The following TTC19 variants were observed in gnomAD, a reference collection of about 807,000 sequenced individuals.
TTC19 encodes tetratricopeptide repeat domain 19, also known as tetratricopeptide repeat protein 19, mitochondrial.
A neutral mutation model predicts 49.5 loss-of-function variants in TTC19; 38 were observed. The ratio of observed to expected loss-of-function variants is 0.77; its 90% confidence interval spans 0.59 to 1.01. TTC19 has a LOEUF of 1.01. Among genes scored for constraint, TTC19 ranks in the 50% least tolerant of loss-of-function variants. The pLI is 0.00. For synonymous variants in TTC19, 204 were observed against 185.2 expected, an observed-to-expected ratio of 1.10 and a Z score of -0.83; for missense variants, 475 against 477.7, an observed-to-expected ratio of 0.99 and a Z score of 0.05.
intron 2 of TTC19, chr17:16,040,164 A>G (rs892416098): frequency 1.8e-5 from 10 of 557,450 alleles, no homozygotes; most frequent in Non-Finnish European, 3.0e-5. Flanking sequence ...CCACACTTCT[A>G]TTAAAGTTAC....
intron 3 of TTC19, among the ~76,000 whole-genome samples, chr17:16,002,324 T>C (rs1242167958): frequency 6.6e-6 from 1 of 152,134 alleles, no homozygotes; most frequent in Non-Finnish European, 1.5e-5. Flanking sequence ...ATTACAGGCA[T>C]GCATCACTAT....
intron 2 of TTC19, among the ~76,000 whole-genome samples, chr17:16,041,912 A>G (rs529500411): frequency 1.5e-3 from 225 of 151,786 alleles, no homozygotes; most frequent in Non-Finnish European, 2.3e-3. Flanking sequence ...AATTTTTTAC[A>G]TTTTTAGTAG....
At chr17:16,035,987 T>C (rs2056276535) in intron 2 of TTC19, among the ~76,000 whole-genome samples, 1 of 152,246 alleles carries the variant, frequency 6.6e-6, no homozygotes, top group Non-Finnish European at 1.5e-5. Context: ...ATTACAAATG[T>C]CGTTAATAGC....
chr17:16,041,116 C>T (rs2057479526), intron 2 of TTC19: 1 of 152,286 alleles, frequency 6.6e-6, no homozygotes. Context: ...CTGTGTTTCC[C>T]TGCATGGCTA....
intron 7 of TTC19, among the ~76,000 whole-genome samples, chr17:16,007,206 G>T (rs1020505279): frequency 1.3e-5 from 2 of 152,078 alleles, no homozygotes; most frequent in Admixed American, 6.5e-5. Context: ...GTAGTCCCCC[G>T]TTATCCATGG....
chr17:16,039,523 G>T (rs761454179), intron 2 of TTC19: 6 of 1,613,962 alleles, frequency 3.7e-6, no homozygotes, highest in African/African-American at 1.3e-5. Context: ...ACTCCCATAG[G>T]CTGGGACATG....
intron 2 of TTC19, among the ~76,000 whole-genome samples, chr17:16,035,397 G>A (rs1974152187): frequency 6.6e-6 from 1 of 152,080 alleles, no homozygotes; most frequent in South Asian, 2.1e-4. Context: ...AGCATCTTCA[G>A]GGGCAGATTC....
Position 16,025,120 on chromosome 17 carries a change from T to C in TTC19, c.780T>C (p.Tyr260=), listed in dbSNP as rs1457412289. The change falls in exon 8 of 10, where the codon TAT becomes TAC. Residue 260 remains tyrosine, a synonymous_variant. Coordinates refer to ENST00000261647, the MANE Select transcript of TTC19 (RefSeq NM_017775.4). ...AGCCGTCACAGGCACAAAGGATGTA[T>C]GAAAAAGCTCTGCAGATTTCTGAAG... The part of the protein sequence containing the change: ...SKQPSQAQRM[Y]EKALQISEEI... 1 of 1,613,958 alleles carries C rather than the reference T, an allele frequency of 6.2e-7. No homozygotes were observed. Among genetic ancestry groups the C allele is most frequent in the East Asian group, 2.2e-5 (1 of 44,876 alleles).
chr17:16,035,003 T>C (rs1182677076), intron 2 of TTC19: 34 of 1,510,548 alleles, frequency 2.3e-5, no homozygotes, highest in Non-Finnish European at 3.0e-5. Context: ...ATTACCAAAA[T>C]GCTAATGATT....
chr17:16,027,021 C>T, intron 9 of TTC19: 2 of 513,866 alleles, frequency 3.9e-6, no homozygotes, highest in East Asian at 7.2e-5. Context: ...TCACAGTGTG[C>T]TGGTGAAGCT....
At chr17:16,033,055 G>A (rs778045690), downstream of TTC19, among the ~76,000 whole-genome samples, 3 of 152,018 alleles carry the variant, frequency 2.0e-5, no homozygotes, top group African/African-American at 7.2e-5. Context: ...TTAAGAAAAC[G>A]CAAAAACAGG....
rs749230785 is a variant in TTC19, at chr17:16,005,391, GTTC to G, written c.582-1078_582-1076del. On this transcript the variant is annotated intron_variant, in intron 6 of 9. Coordinates refer to ENST00000261647, the MANE Select transcript of TTC19 (RefSeq NM_017775.4). ...CGTAGGGAAGGAAGGGGATGCTTCT[GTTC>G]TTCTGAGAACAGAGCAGAACAGTAG... Among the ~76,000 whole-genome samples the G allele has an allele frequency of 3.3e-5, 5 of 152,308 alleles. No individual in the cohort carries two copies. The East Asian group carries it at 9.7e-4, about 29-fold the overall frequency.
chr17:16,007,141 A>G (rs144532142), intron 7 of TTC19, among the ~76,000 whole-genome samples: 218 of 152,344 alleles, frequency 1.4e-3, no homozygotes, highest in African/African-American at 4.7e-3. Context: ...TGGTAGGGAT[A>G]CAGCAGTCAA....
chr17:16,009,273 G>A (rs1467090128), intron 7 of TTC19, among the ~76,000 whole-genome samples: 1 of 152,212 alleles, frequency 6.6e-6, no homozygotes, highest in Non-Finnish European at 1.5e-5. Context: ...TCTTAGGAGT[G>A]TAAAGCTATA....
At chr17:16,015,828 G>A (rs1358655890) in intron 7 of TTC19, among the ~76,000 whole-genome samples, 3 of 152,130 alleles carry the variant, frequency 2.0e-5, no homozygotes, top group Non-Finnish European at 2.9e-5. Context: ...ATAAGAGTTT[G>A]TGGAATGTGA....
At chr17:16,044,352 A>C in intron 2 of TTC19, 1 of 470,050 alleles carries the variant, frequency 2.1e-6, no homozygotes, top group Non-Finnish European at 4.4e-6. Flanking sequence ...CTTGGTGTTC[A>C]ACATTTATTA....
intron 4 of TTC19, among the ~76,000 whole-genome samples, 160 bp from the exon 5 acceptor site, chr17:16,003,671 G>A (rs188447887): frequency 2.6e-5 from 4 of 151,866 alleles, no homozygotes; most frequent in South Asian, 2.1e-4. Context: ...ATCTGTTTTC[G>A]CTTCAAAAGG....
chr17:16,023,309 T>TA (rs1971441219), intron 7 of TTC19: 1 of 152,232 alleles, frequency 6.6e-6, no homozygotes, highest in Non-Finnish European at 1.5e-5. Context: ...ATAACAAGGG[T>TA]AACAAGTTTC....
intron 2 of TTC19, among the ~76,000 whole-genome samples, chr17:16,038,030 T>C (rs1254073669): frequency 1.3e-5 from 2 of 152,052 alleles, no homozygotes. Context: ...AATTGGAAGG[T>C]AAGAACAGAA....
Sources: allele counts gnomAD v4.1 joint callset (sites outside exome capture counted in the v4.1 genomes callset), GRCh38; gene constraint gnomAD v4.1.1; transcripts MANE v1.5; gene names NCBI Gene and HGNC (gene_info 2026-07-23, HGNC 2026-07-21).